Variants in DNAH9 observed in about 807,000 individuals in gnomAD.
DNAH9 encodes DNAH9 variant protein.
Under a neutral mutation model 471.6 loss-of-function variants are expected in DNAH9, and 345 were observed. That is an observed-to-expected ratio of 0.73 (90% confidence interval 0.67 to 0.80). The LOEUF (loss-of-function observed/expected upper bound fraction) is 0.80, where lower values mean the gene tolerates loss of function less well. Ranked by LOEUF, DNAH9 falls within the 30% of genes least tolerant of loss-of-function variation. The pLI is 0.00. For missense variants in DNAH9, 5,407 were observed against 5,609.2 expected, an observed-to-expected ratio of 0.96 and a Z score of 1.15; for synonymous variants, 2,093 against 2,123.6, an observed-to-expected ratio of 0.99 and a Z score of 0.40.
chr17:11,945,724 A>G (rs1266718688), intron 67 of DNAH9, among the ~76,000 whole-genome samples: 1 of 151,592 alleles, frequency 6.6e-6, no homozygotes, highest in Admixed American at 6.6e-5. Flanking sequence ...AGTGCACTAA[A>G]AGTGAGAATT....
intron 68 of DNAH9, among the ~76,000 whole-genome samples, chr17:11,964,624 T>C (rs368533473): frequency 2.6e-5 from 4 of 152,114 alleles, no homozygotes; most frequent in Non-Finnish European, 5.9e-5. Flanking sequence ...TTCTGGAAAT[T>C]AACCAAAGGC....
intron 56 of DNAH9, 31 bp downstream of exon 56, chr17:11,883,781 A>AG: frequency 2.5e-6 from 4 of 1,603,122 alleles, no homozygotes; most frequent in Non-Finnish European, 3.4e-6. Flanking sequence ...CTGGGAAGGC[A>AG]GCCTAGGCTG....
Position 11,623,066 on chromosome 17 carries a change from T to C in DNAH9, c.1350+3285T>C, listed in dbSNP as rs548206304. On this transcript the variant is annotated intron_variant, in intron 6 of 68. Coordinates refer to ENST00000262442, the MANE Select transcript of DNAH9 (RefSeq NM_001372.4). This position sits in a 1 kb window ranked among gnomAD's most constrained non-coding sequence, Gnocchi z 4.1. ...TCGGCTCACGACAACCTCTGCCTCC[T>C]GGGTTCAAGCGATTCTCCTGCCTCA... Among the ~76,000 whole-genome samples the C allele has an allele frequency of 3.8e-4, 56 of 148,954 alleles. No homozygotes were observed. Among genetic ancestry groups the C allele is most frequent in the African/African-American group, 1.2e-3 (49 of 40,748 alleles).
chr17:11,819,622 C>T (rs987533939), intron 45 of DNAH9, among the ~76,000 whole-genome samples: 20 of 151,900 alleles, frequency 1.3e-4, no homozygotes, highest in African/African-American at 3.6e-4. Context: ...CCTTGTGATC[C>T]GCCTGCCTTG....
At chr17:11,880,033 G>T in intron 53 of DNAH9, 45 bp from the exon 54 acceptor site, 1 of 1,609,834 alleles carries the variant, frequency 6.2e-7, no homozygotes, top group South Asian at 1.1e-5. Flanking sequence ...CAACTCCATA[G>T]CTTGCCACAG....
At chr17:11,723,328 C>T (rs2075094584) in intron 27 of DNAH9, 1 of 152,270 alleles carries the variant, frequency 6.6e-6, no homozygotes. Context: ...CCTTCCCTAC[C>T]TCTAATCGGT....
At chr17:11,760,531 T>A (rs1250380366) in intron 35 of DNAH9, among the ~76,000 whole-genome samples, 1 of 152,120 alleles carries the variant, frequency 6.6e-6, no homozygotes, top group Non-Finnish European at 1.5e-5. Context: ...ATTTTTATTT[T>A]TTTTTTGAGA....
Position 11,608,301 on chromosome 17 carries a change from T to G in DNAH9, c.590T>G (p.Phe197Cys). ...CCAGCAGGCTCAGAAAAAATGGAGTTTGCGGATTCCAAAAGTGAGACAGTG... is the reference window on the plus strand; with the variant it reads ...CCAGCAGGCTCAGAAAAAATGGAGTGTGCGGATTCCAAAAGTGAGACAGTG... ...PLPAGSEKME[F>C]ADSKSETVLD... Residue 197 changes from phenylalanine to cysteine, a missense_variant, in exon 2 of 69, where the codon TTT (phenylalanine) becomes TGT (cysteine). By Grantham distance (205) the Phe-to-Cys change is radical. Around this residue, in one of 3 missense-constraint regions of DNAH9, gnomAD observed 767 missense variants for 692.5 expected, o/e 1.11. Coordinates refer to ENST00000262442, the MANE Select transcript of DNAH9 (RefSeq NM_001372.4). The G allele has an allele frequency of 6.2e-7, 1 of 1,610,986 alleles. No individual in the cohort carries two copies. Among genetic ancestry groups the G allele is most frequent in the Non-Finnish European group, 8.5e-7 (1 of 1,179,086 alleles).
intron 61 of DNAH9, among the ~76,000 whole-genome samples, chr17:11,918,732 T>G (rs1378701237): frequency 6.6e-6 from 1 of 151,302 alleles, no homozygotes; most frequent in Non-Finnish European, 1.5e-5. Flanking sequence ...ATGCCTATAA[T>G]CCCAGCACTT....
chr17:11,931,742 C>A (rs186180625), intron 63 of DNAH9, among the ~76,000 whole-genome samples: 1 of 152,286 alleles, frequency 6.6e-6, no homozygotes, highest in Admixed American at 6.5e-5. Flanking sequence ...TCCCCATCAG[C>A]TACATTAGTG....
At chr17:11,616,640 A>C (rs2072750938) in intron 4 of DNAH9, among the ~76,000 whole-genome samples, 1 of 152,124 alleles carries the variant, frequency 6.6e-6, no homozygotes, top group Admixed American at 6.5e-5. Context: ...AACCAGCAGA[A>C]CCTTGCCATA....
At chr17:11,911,887 CT>C (rs1361749228) in intron 61 of DNAH9, among the ~76,000 whole-genome samples, 3 of 147,960 alleles carry the variant, frequency 2.0e-5, no homozygotes, top group Admixed American at 6.8e-5. Flanking sequence ...ACATACTGAT[CT>C]TCTTCAAACT....
At chr17:11,896,859 G>T (rs1000828371) in intron 59 of DNAH9, among the ~76,000 whole-genome samples, 1 of 152,228 alleles carries the variant, frequency 6.6e-6, no homozygotes, top group Admixed American at 6.5e-5. Context: ...GGGAGGCCAA[G>T]GTGGGCGGAT....
chr17:11,652,685 GTC>G lies in DNAH9; in HGVS notation c.2354-74_2354-73del, dbSNP rs1294655552. 4.0e-5 allele frequency: 56 copies of G among 1,384,740 alleles called. No individual in the cohort carries two copies. The Admixed American group carries it at 1.1e-3, about 26-fold the overall frequency. The allele number at this position is 1,384,740 out of a possible 1,614,324, so 85.8% of individuals were successfully genotyped here. On this transcript the variant is annotated intron_variant, in intron 13 of 68. Coordinates refer to ENST00000262442, the MANE Select transcript of DNAH9 (RefSeq NM_001372.4). ...TAACACTCGCAAGTATTAAATCCCTGTCTTTCATAGCAACTAGCCCTTTAGCT... is the reference window on the plus strand; with the variant it reads ...TAACACTCGCAAGTATTAAATCCCTGTTTCATAGCAACTAGCCCTTTAGCT...
rs370150805 is a variant in DNAH9, at chr17:11,843,841, T to TTGTGTGTGTGTG, written c.9507+8955_9507+8966dup. Among the ~76,000 whole-genome samples the TTGTGTGTGTGTG allele has an allele frequency of 1.6e-3, 113 of 69,806 alleles. 10 individuals carry two copies. The highest frequency in any genetic ancestry group is 7.7e-3 in the Admixed American group (34 of 4,390). 45.8% of individuals were successfully genotyped at this position (69,806 alleles called of 152,430 possible). A position where few individuals can be genotyped will look rare whatever the true frequency, so the allele number is the denominator to read the frequency against. On this transcript the variant is annotated intron_variant, in intron 49 of 68. Coordinates refer to ENST00000262442, the MANE Select transcript of DNAH9 (RefSeq NM_001372.4). ...TTTGTATATATACATGTATATGTGTTTGTGTGTGTGTGTGTGTGTGTGTAT... is the reference window on the plus strand; with the variant it reads ...TTTGTATATATACATGTATATGTGTTTGTGTGTGTGTGTGTGTGTGTGTGTGTGTGTGTGTAT...
At chr17:11,725,771 G>A (rs1318834038) in intron 27 of DNAH9, among the ~76,000 whole-genome samples, 1 of 152,134 alleles carries the variant, frequency 6.6e-6, no homozygotes, top group Non-Finnish European at 1.5e-5. Flanking sequence ...GGAGGCTGAG[G>A]CAGCAGAATT....
chr17:11,847,805 A>G (rs192396980), intron 49 of DNAH9, among the ~76,000 whole-genome samples: 10 of 152,206 alleles, frequency 6.6e-5, no homozygotes, highest in Admixed American at 5.2e-4. Context: ...AATTATATCA[A>G]TGGACTGCCT....
At chr17:11,813,204 G>T (rs1388580412) in intron 45 of DNAH9, among the ~76,000 whole-genome samples, 2 of 150,888 alleles carry the variant, frequency 1.3e-5, no homozygotes, top group African/African-American at 4.9e-5. Context: ...TGGAGTTTTA[G>T]GCCCCATTTT....
Position 11,757,556 on chromosome 17 carries a change from A to G in DNAH9, c.6859A>G (p.Ile2287Val), listed in dbSNP as rs746716061. 2 of 1,613,628 alleles carry G rather than the reference A, an allele frequency of 1.2e-6. No individual in the cohort carries two copies. Among genetic ancestry groups the G allele is most frequent in the South Asian group, 1.1e-5 (1 of 91,068 alleles). The change falls in exon 35 of 69, where the codon ATC (isoleucine) becomes GTC (valine). Residue 2287 changes from isoleucine to valine, a missense_variant. Ile to Val is a conservative substitution (Grantham distance 29). Around this residue, in one of 3 missense-constraint regions of DNAH9, gnomAD observed 4,636 missense variants for 4,900.3 expected, o/e 0.95. Transcript: ENST00000262442. ...ATVSRAGILYINPADLGWNPP... is the reference protein window; with the variant it reads ...ATVSRAGILYVNPADLGWNPP... ...CTCTGTGCTCACAGGGATCTTGTAC[A>G]TCAACCCGGCAGACTTGGGATGGAA...
Sources: gnomAD v4.1 joint callset for allele counts (sites outside exome capture counted in the v4.1 genomes callset) on GRCh38, gnomAD v4.1.1 for gene constraint, gnomAD v4.1.1 regional missense constraint, Gnocchi (gnomAD v3.1) non-coding constraint, MANE v1.5 for transcripts, NCBI Gene and HGNC (gene_info 2026-07-23, HGNC 2026-07-21) for gene names.